PCDHGA1: variants seen among roughly 807,000 people sequenced by gnomAD.
The protein encoded by PCDHGA1 is protocadherin gamma-A1.
A neutral mutation model predicts 58.0 loss-of-function variants in PCDHGA1; 32 were observed. The ratio of observed to expected loss-of-function variants is 0.55; its 90% CI spans 0.42 to 0.74. The LOEUF is 0.74. Among genes scored for constraint, PCDHGA1 ranks in the 30% least tolerant of loss-of-function variants. PCDHGA1 has a pLI of 0.00. For missense variants in PCDHGA1, 1,205 were observed against 1,182.3 expected, an observed-to-expected ratio of 1.02 and a Z score of -0.28; for synonymous variants, 498 against 501.1, an observed-to-expected ratio of 0.99 and a Z score of 0.08.
intron 1 of PCDHGA1, chr5:141,388,088 C>T (rs774450859): frequency 8.8e-6 from 12 of 1,368,276 alleles, no homozygotes; most frequent in Admixed American, 2.0e-5. Flanking sequence ...AACTGCGCGT[C>T]AGTTCGGAGA....
At chr5:141,355,491 C>T (rs1195387983) in intron 1 of PCDHGA1, 1 of 1,614,050 alleles carries the variant, frequency 6.2e-7, no homozygotes, top group Non-Finnish European at 8.5e-7. Context: ...AGCTCTGCGA[C>T]AGATCTCCAA....
At chr5:141,344,792 G>A in intron 1 of PCDHGA1, 1 of 1,613,992 alleles carries the variant, frequency 6.2e-7, no homozygotes, top group Non-Finnish European at 8.5e-7. Context: ...GTGTTTGGGA[G>A]AACGTGCCTG....
At chr5:141,505,261 T>C in intron 2 of PCDHGA1, 132 bp from the exon 3 acceptor site, 1 of 1,505,282 alleles carries the variant, frequency 6.6e-7, no homozygotes. Context: ...GCCTCCTACC[T>C]TGCTGAGAGA....
At position 141,486,994 on chromosome 5, in the gene PCDHGA1, C is replaced by G. The variant is rs779792543; in HGVS notation, c.2422-7813C>G. ...ATTCAGGTTACAATGCTTGGGTTTC[C>G]TATCAGCTCCTGGAGGCCCCAGATC... On this transcript the variant is annotated intron_variant, in intron 1 of 3. Coordinates refer to ENST00000517417, the MANE Select transcript of PCDHGA1 (RefSeq NM_018912.3). The surrounding 1 kb of genome is among the most constrained non-coding windows in gnomAD (Gnocchi z 5.0). 3 of 1,614,214 alleles carry G rather than the reference C, an allele frequency of 1.9e-6. No individual in the cohort carries two copies. Among genetic ancestry groups the G allele is most frequent in the Admixed American group, 1.7e-5 (1 of 60,030 alleles).
intron 1 of PCDHGA1, chr5:141,414,476 C>G (rs1242647918): frequency 6.2e-7 from 1 of 1,613,920 alleles, no homozygotes; most frequent in Non-Finnish European, 8.5e-7. Context: ...GGGGGAAGTC[C>G]TCCTCTATCA....
intron 1 of PCDHGA1, chr5:141,354,876 AC>A (rs763107420): frequency 8.7e-5 from 32 of 369,810 alleles, no homozygotes; most frequent in Non-Finnish European, 1.4e-4. Context: ...CAGGAATTTG[AC>A]TTTATTATCT....
chr5:141,421,054 A>G, intron 1 of PCDHGA1: 3 of 571,978 alleles, frequency 5.2e-6, no homozygotes, highest in Non-Finnish European at 9.0e-6. Context: ...CGCCTCTACC[A>G]CACAAAGCGG....
Position 141,361,670 on chromosome 5 carries a change from G to T in PCDHGA1, c.2421+28565G>T, listed in dbSNP as rs1388085140. ...TACGTGTCCGTGAGCGCGCAGAGCG[G>T]GGTGGTGTTCGCGCAGCGCGCCTTC... On this transcript the variant is annotated intron_variant, in intron 1 of 3. Coordinates refer to ENST00000517417, the MANE Select transcript of PCDHGA1 (RefSeq NM_018912.3). 71 of 1,613,684 alleles carry T rather than the reference G, an allele frequency of 4.4e-5. 1 individual carries two copies. The highest frequency in any genetic ancestry group is 5.9e-5 in the Non-Finnish European group (70 of 1,179,914).
chr5:141,420,744 C>T (rs1202150921), intron 1 of PCDHGA1, among the ~76,000 whole-genome samples: 8 of 152,194 alleles, frequency 5.3e-5, no homozygotes, highest in Admixed American at 5.2e-4. Context: ...TCAATTGGAA[C>T]CAACTACAAC....
intron 2 of PCDHGA1, among the ~76,000 whole-genome samples, chr5:141,496,827 C>A (rs1595415247): frequency 6.6e-6 from 1 of 151,780 alleles, no homozygotes; most frequent in East Asian, 1.9e-4. Context: ...TAGATGTGAT[C>A]CCAGAACTCA....
At chr5:141,354,473 T>A (rs1342061479) in intron 1 of PCDHGA1, among the ~76,000 whole-genome samples, 1 of 152,204 alleles carries the variant, frequency 6.6e-6, no homozygotes, top group Non-Finnish European at 1.5e-5. Context: ...TTGTACAGGG[T>A]AAGGCTAACT....
At chr5:141,357,096 G>C (rs1487734992) in intron 1 of PCDHGA1, 1 of 1,613,886 alleles carries the variant, frequency 6.2e-7, no homozygotes. Flanking sequence ...CACGGGCCCT[G>C]CTGGACAGAG....
intron 1 of PCDHGA1, chr5:141,352,153 G>A: frequency 1.2e-6 from 2 of 1,612,760 alleles, no homozygotes; most frequent in Non-Finnish European, 1.7e-6. Context: ...TGGGCGACAG[G>A]GACGCGGCCC....
Position 141,491,968 on chromosome 5 carries a change from G to GC in PCDHGA1, c.2422-2837dup. On this transcript the variant is annotated intron_variant, in intron 1 of 3. Coordinates refer to ENST00000517417, the MANE Select transcript of PCDHGA1 (RefSeq NM_018912.3). The surrounding 1 kb of genome is among the most constrained non-coding windows in gnomAD (Gnocchi z 6.9). ...ACCCCTACACTCAAAAAAGGCCGGG[G>GC]CCTCCTTCGAGCTTCCGGTGAATTT... 1.1e-6 allele frequency: 1 copy of GC among 923,644 alleles called. No homozygotes were observed. Among genetic ancestry groups the GC allele is most frequent in the Admixed American group, 3.6e-5 (1 of 27,548 alleles). 57.2% of individuals were successfully genotyped at this position (923,644 alleles called of 1,614,324 possible).
At chr5:141,352,200 A>G in intron 1 of PCDHGA1, 1 of 1,613,934 alleles carries the variant, frequency 6.2e-7, no homozygotes, top group Non-Finnish European at 8.5e-7. Context: ...GATGGAGGAC[A>G]GCCGCCACTC....
intron 1 of PCDHGA1, chr5:141,357,724 T>C (rs1052718500): frequency 1.4e-6 from 2 of 1,392,936 alleles, no homozygotes; most frequent in African/African-American, 2.9e-5. Context: ...AGTTGCCTCT[T>C]TTAATATTTT....
intron 1 of PCDHGA1, chr5:141,414,163 G>A (rs1455950284): frequency 5.6e-6 from 9 of 1,603,256 alleles, no homozygotes; most frequent in Non-Finnish European, 7.7e-6. Flanking sequence ...AGATGGAGGA[G>A]CATATCTTGC....
chr5:141,387,303 A>C (rs563124332), intron 1 of PCDHGA1, among the ~76,000 whole-genome samples: 1 of 152,334 alleles, frequency 6.6e-6, no homozygotes, highest in East Asian at 1.9e-4. Context: ...TATCCAGTAT[A>C]TTTCTAATGA....
chr5:141,473,219 G>A (rs1198994780), intron 1 of PCDHGA1, among the ~76,000 whole-genome samples: 2 of 151,864 alleles, frequency 1.3e-5, no homozygotes, highest in Non-Finnish European at 2.9e-5. Flanking sequence ...TTACTTCCAG[G>A]GAGATTGGAT....
Sources: gnomAD v4.1 joint callset for allele counts (sites outside exome capture counted in the v4.1 genomes callset) on GRCh38, gnomAD v4.1.1 for gene constraint, Gnocchi (gnomAD v3.1) non-coding constraint, MANE v1.5 for transcripts, NCBI Gene and HGNC (gene_info 2026-07-23, HGNC 2026-07-21) for gene names.